Variants in FHIT observed in about 807,000 individuals in gnomAD.
FHIT encodes fragile histidine triad diadenosine triphosphatase.
A neutral mutation model predicts 17.9 loss-of-function variants in FHIT; 19 were observed. The ratio of observed to expected loss-of-function variants is 1.06; its 90% confidence interval spans 0.74 to 1.56. The LOEUF (loss-of-function observed/expected upper bound fraction) is 1.56, where lower values mean the gene tolerates loss of function less well. FHIT is among the 40% of genes most tolerant of loss of function. The probability of loss-of-function intolerance (pLI) is 0.00; values close to 1 mark genes in which losing one functional copy is unlikely to be tolerated. For missense variants in FHIT, 248 were observed against 189.2 expected (o/e 1.31, Z -1.82); for synonymous variants, 81 against 69.7 (o/e 1.16, Z -0.81).
chr3:60,057,466 A>G (rs557991054), intron 5 of FHIT, among the ~76,000 whole-genome samples: 20 of 152,320 alleles, frequency 1.3e-4, no homozygotes, highest in Admixed American at 3.9e-4. Flanking sequence ...TTACTCAGCC[A>G]TGAAAATGAA....
intron 5 of FHIT, among the ~76,000 whole-genome samples, chr3:60,150,890 G>A (rs1323193259): frequency 6.6e-6 from 1 of 151,236 alleles, no homozygotes; most frequent in Non-Finnish European, 1.5e-5. Context: ...CTGCACTACA[G>A]CCTGGGTGAC....
chr3:59,892,522 G>C (rs976064113), intron 8 of FHIT, among the ~76,000 whole-genome samples: 2 of 152,166 alleles, frequency 1.3e-5, no homozygotes, highest in African/African-American at 4.8e-5. Flanking sequence ...CTGAGGCTTA[G>C]TGTTATAGAG....
At chr3:61,090,512 T>G (rs928447748) in intron 2 of FHIT, among the ~76,000 whole-genome samples, 1 of 152,164 alleles carries the variant, frequency 6.6e-6, no homozygotes, top group Non-Finnish European at 1.5e-5. Flanking sequence ...AGAGAGAGCT[T>G]TGCTTTAGAG....
chr3:60,359,384 G>A (rs925690935), intron 5 of FHIT, among the ~76,000 whole-genome samples: 10 of 148,394 alleles, frequency 6.7e-5, no homozygotes, highest in South Asian at 2.2e-4. Context: ...GGGTTCAAGC[G>A]ATTCTCCTGC....
chr3:60,330,714 T>A (rs537711305), intron 5 of FHIT, among the ~76,000 whole-genome samples: 1 of 152,164 alleles, frequency 6.6e-6, no homozygotes, highest in Non-Finnish European at 1.5e-5. Context: ...TTTACAGAAG[T>A]GAAAGACTGG....
At chr3:60,548,609 T>G (rs1225906447) in intron 4 of FHIT, among the ~76,000 whole-genome samples, 1 of 152,166 alleles carries the variant, frequency 6.6e-6, no homozygotes, top group East Asian at 1.9e-4. Flanking sequence ...CATATTTCCC[T>G]TGCCTGGCTA....
intron 8 of FHIT, among the ~76,000 whole-genome samples, chr3:59,893,650 A>T (rs1256128486): frequency 6.6e-6 from 1 of 152,234 alleles, no homozygotes; most frequent in African/African-American, 2.4e-5. Flanking sequence ...GCAGCTGGAC[A>T]ATACCATTTC....
chr3:61,029,334 C>T (rs2032893941), intron 3 of FHIT, among the ~76,000 whole-genome samples: 1 of 152,164 alleles, frequency 6.6e-6, no homozygotes, highest in African/African-American at 2.4e-5. Context: ...AGCAATCTAA[C>T]GCGTATGAAC....
In FHIT at chr3:60,022,089, T is replaced by C. The variant is rs1322035491; in HGVS notation, c.104-7937A>G. Among the ~76,000 whole-genome samples the C allele has an allele frequency of 2.6e-5, 4 of 152,228 alleles. No homozygotes were observed. In the East Asian group the frequency reaches 7.7e-4, roughly 29 times the overall value. On this transcript the variant is annotated intron_variant, in intron 5 of 9. Coordinates refer to ENST00000492590, the MANE Select transcript of FHIT (RefSeq NM_002012.4). ...TAATGATTATTAATTATTAGTAATA[T>C]TGTAGAACACTACACAGGACACATG...
intron 5 of FHIT, among the ~76,000 whole-genome samples, chr3:60,028,152 C>A (rs567626263): frequency 6.7e-5 from 10 of 148,156 alleles, no homozygotes; most frequent in Admixed American, 3.4e-4. Flanking sequence ...TGGCCACCAC[C>A]TAGAGATTTT....
At chr3:60,297,330 G>T (rs1708257386) in intron 5 of FHIT, among the ~76,000 whole-genome samples, 2 of 151,978 alleles carry the variant, frequency 1.3e-5, no homozygotes, top group Admixed American at 1.3e-4. Flanking sequence ...GCATTCTGTA[G>T]TTTTCACCAT....
Position 60,371,354 on chromosome 3 carries a change from T to C in FHIT, c.103+165506A>G, listed in dbSNP as rs183689565. ...CTACAACCATTTTAATTATTAAATATTTTCTTCTAGCTTTTTTTTTTAAGA... is the reference window on the plus strand; with the variant it reads ...CTACAACCATTTTAATTATTAAATACTTTCTTCTAGCTTTTTTTTTTAAGA... On this transcript the variant is annotated intron_variant, in intron 5 of 9. Transcript: ENST00000492590. Among the ~76,000 whole-genome samples the C allele has an allele frequency of 3.7e-3, 547 of 149,086 alleles. 1 individual carries two copies. The highest frequency in any genetic ancestry group is 0.012 in the African/African-American group (504 of 41,394).
chr3:60,386,074 G>A (rs1700998890), intron 5 of FHIT, among the ~76,000 whole-genome samples: 1 of 152,134 alleles, frequency 6.6e-6, no homozygotes, highest in South Asian at 2.1e-4. Flanking sequence ...TGAAGCATAA[G>A]GCAAGTAAGT....
At chr3:60,498,138 A>T (rs2034376942) in intron 5 of FHIT, among the ~76,000 whole-genome samples, 1 of 152,234 alleles carries the variant, frequency 6.6e-6, no homozygotes, top group Non-Finnish European at 1.5e-5. Context: ...GCTCCAAGCC[A>T]TAGTTTCGCC....
chr3:60,965,414 C>A (rs1231568351), intron 3 of FHIT, among the ~76,000 whole-genome samples: 1 of 152,180 alleles, frequency 6.6e-6, no homozygotes, highest in African/African-American at 2.4e-5. Context: ...TTATTCTGAT[C>A]TTCTGAAGCC....
At chr3:60,173,657 G>C (rs938871719) in intron 5 of FHIT, among the ~76,000 whole-genome samples, 5 of 151,644 alleles carry the variant, frequency 3.3e-5, no homozygotes, top group South Asian at 2.1e-4. Context: ...TGAAATGGTG[G>C]ATGTTTCCGG....
chr3:59,868,231 A>T (rs1702749623), intron 8 of FHIT, among the ~76,000 whole-genome samples: 1 of 152,062 alleles, frequency 6.6e-6, no homozygotes, highest in Non-Finnish European at 1.5e-5. Context: ...CTCTCTACAA[A>T]CACATTTTAT....
At chr3:60,979,806 C>T (rs1710416857) in intron 3 of FHIT, among the ~76,000 whole-genome samples, 1 of 152,208 alleles carries the variant, frequency 6.6e-6, no homozygotes, top group East Asian at 1.9e-4. Context: ...CAAGCTGTGA[C>T]AGCAGAAGAG....
intron 5 of FHIT, among the ~76,000 whole-genome samples, chr3:60,248,961 T>G (rs1705546763): frequency 6.6e-6 from 1 of 152,182 alleles, no homozygotes; most frequent in Non-Finnish European, 1.5e-5. Context: ...ATTCTTATCT[T>G]CCTTTAGCCT....
Sources: allele counts gnomAD v4.1 joint callset (sites outside exome capture counted in the v4.1 genomes callset), GRCh38; gene constraint gnomAD v4.1.1; transcripts MANE v1.5; gene names NCBI Gene and HGNC (gene_info 2026-07-23, HGNC 2026-07-21).